Variants in MAST2 observed in about 807,000 individuals in gnomAD.
The protein encoded by MAST2 is microtubule-associated serine/threonine-protein kinase 2.
MAST2 carries 70 observed loss-of-function variants against 147.4 expected under a neutral mutation model. The observed-to-expected ratio is 0.47, with a 90% CI of 0.39 to 0.58. MAST2 has a LOEUF of 0.58. Ranked by LOEUF, MAST2 falls within the 20% of genes least tolerant of loss-of-function variation. The pLI is 0.00. For missense variants in MAST2, 2,080 were observed against 2,302.3 expected, an observed-to-expected ratio of 0.90 and a Z score of 1.98; for synonymous variants, 869 against 896.8, an observed-to-expected ratio of 0.97 and a Z score of 0.55.
intron 5 of MAST2, among the ~76,000 whole-genome samples, chr1:45,989,382 C>A (rs1013245849): frequency 1.3e-5 from 2 of 152,142 alleles, no homozygotes; most frequent in South Asian, 4.1e-4. Context: ...TCAGTACTTA[C>A]CTGTAGTTCC....
At position 46,019,611 on chromosome 1, in the gene MAST2, G is replaced by C. The variant is rs369921244; in HGVS notation, c.1204G>C (p.Glu402Gln). 2 of 1,614,068 alleles carry C rather than the reference G, an allele frequency of 1.2e-6. No individual in the cohort carries two copies. Among genetic ancestry groups the C allele is most frequent in the African/African-American group, 1.3e-5 (1 of 75,052 alleles). ...KLLQDAHERS[E>Q]SSEVAFVMQL... Reference sequence around the variant, plus strand: ...TTCTCTATAGGCTCATGAGCGCTCAGAGAGCTCAGAAGTGGCTTTTGTGAT... The same window carrying C: ...TTCTCTATAGGCTCATGAGCGCTCACAGAGCTCAGAAGTGGCTTTTGTGAT... The change falls in exon 11 of 29, where the codon GAG (glutamate) becomes CAG (glutamine). Residue 402 changes from glutamate (E) to glutamine (Q), a missense_variant. Glu to Gln is a conservative substitution (Grantham distance 29). Around this residue, in one of 4 missense-constraint regions of MAST2, gnomAD observed 569 missense variants for 642.5 expected, o/e 0.89. Coordinates refer to ENST00000361297, the MANE Select transcript of MAST2 (RefSeq NM_015112.3).
chr1:45,967,623 G>A (rs757655046), intron 5 of MAST2, among the ~76,000 whole-genome samples: 4 of 152,148 alleles, frequency 2.6e-5, no homozygotes, highest in Non-Finnish European at 4.4e-5. Context: ...ACATTGAGTA[G>A]GCTGAGGAAG....
At position 46,022,366 on chromosome 1, in the gene MAST2, T is replaced by C. The variant is rs1646225231; in HGVS notation, c.1423+284T>C. On this transcript the variant is annotated intron_variant, in intron 12 of 28. Coordinates refer to ENST00000361297, the MANE Select transcript of MAST2 (RefSeq NM_015112.3). ...AGAGGTCAACAACAAAGGGCCACAA[T>C]CACATTTGCAAAAATGGTCACCTCC... Among the ~76,000 whole-genome samples the C allele has an allele frequency of 2.0e-5, 3 of 152,184 alleles. No individual in the cohort carries two copies. In the South Asian group the frequency reaches 6.2e-4, roughly 31 times the overall value.
intron 5 of MAST2, among the ~76,000 whole-genome samples, chr1:45,991,937 C>G (rs897013455): frequency 6.6e-6 from 1 of 151,906 alleles, no homozygotes; most frequent in Non-Finnish European, 1.5e-5. Flanking sequence ...CTATGTTGCC[C>G]AGGCTGGTCT....
intron 3 of MAST2, among the ~76,000 whole-genome samples, chr1:45,870,925 TC>T (rs1020071085): frequency 6.6e-6 from 1 of 151,958 alleles, no homozygotes; most frequent in African/African-American, 2.4e-5. Context: ...AGACCGTGTC[TC>T]AAAAAAAATT....
intron 5 of MAST2, among the ~76,000 whole-genome samples, chr1:45,993,692 ATTT>A (rs989945682): frequency 6.6e-6 from 1 of 151,444 alleles, no homozygotes; most frequent in African/African-American, 2.4e-5. Flanking sequence ...TCAAAAAAAA[ATTT>A]TTTTTTGCTG....
At chr1:45,905,563 T>C (rs2148522228) in intron 4 of MAST2, among the ~76,000 whole-genome samples, 1 of 152,228 alleles carries the variant, frequency 6.6e-6, no homozygotes, top group Admixed American at 6.5e-5. Flanking sequence ...GATCACGAGC[T>C]CAGGAGTTTG....
chr1:45,977,487 TCAAACAAACAAA>T (rs557332564), intron 5 of MAST2, among the ~76,000 whole-genome samples: 8 of 146,380 alleles, frequency 5.5e-5, no homozygotes, highest in African/African-American at 1.8e-4. Flanking sequence ...AAACTCTATC[TCAAACAAACAAA>T]CAAACAAACA....
At chr1:45,820,576 AG>A (rs1553203849) in intron 1 of MAST2, among the ~76,000 whole-genome samples, 3 of 152,154 alleles carry the variant, frequency 2.0e-5, no homozygotes, top group Non-Finnish European at 4.4e-5. Flanking sequence ...TAAATATCAT[AG>A]ATTTATAATT....
chr1:45,957,738 T>G (rs1316862667), intron 4 of MAST2, among the ~76,000 whole-genome samples: 1 of 152,158 alleles, frequency 6.6e-6, no homozygotes, highest in East Asian at 1.9e-4. Context: ...AACACATTAC[T>G]CTGGTAAATG....
chr1:46,010,692 C>G, intron 9 of MAST2, 38 bp from the exon 10 acceptor site: 3 of 1,587,880 alleles, frequency 1.9e-6, no homozygotes, highest in East Asian at 2.2e-5. Context: ...TGAGCTGGAA[C>G]TAGAAGGGAA....
At chr1:45,815,210 C>A (rs903855240) in intron 1 of MAST2, among the ~76,000 whole-genome samples, 4 of 148,862 alleles carry the variant, frequency 2.7e-5, no homozygotes, top group Admixed American at 6.7e-5. Flanking sequence ...GAAACTGTCT[C>A]CCAGTCTGGA....
At chr1:45,922,759 G>A (rs1480248722) in intron 4 of MAST2, among the ~76,000 whole-genome samples, 1 of 152,132 alleles carries the variant, frequency 6.6e-6, no homozygotes, top group Non-Finnish European at 1.5e-5. Flanking sequence ...CAACTCGGAA[G>A]GGGTGGGGCT....
rs1264490364 is a variant in MAST2 at position 46,023,741 on chromosome 1, C to T, written c.1572-31C>T. 1.2e-6 allele frequency: 2 copies of T among 1,604,526 alleles called. No individual in the cohort carries two copies. The highest frequency in any genetic ancestry group is 1.7e-6 in the Non-Finnish European group (2 of 1,173,598). On this transcript the variant is annotated intron_variant, in intron 14 of 28. Coordinates refer to ENST00000361297, the MANE Select transcript of MAST2 (RefSeq NM_015112.3). This position sits in a 1 kb window ranked among gnomAD's most constrained non-coding sequence, Gnocchi z 4.9. ...GAGCACAGCTCAGGTGCTGAGGGTCCATGGGGGATGGGCCGGACTTTGTTT... is the reference window on the plus strand; with the variant it reads ...GAGCACAGCTCAGGTGCTGAGGGTCTATGGGGGATGGGCCGGACTTTGTTT...
chr1:45,948,424 C>T (rs538959841), intron 4 of MAST2, among the ~76,000 whole-genome samples: 4 of 151,826 alleles, frequency 2.6e-5, no homozygotes, highest in South Asian at 2.1e-4. Flanking sequence ...TATATGGAAC[C>T]GGGCCGGGTG....
chr1:46,032,838 G>A, intron 26 of MAST2, 120 bp downstream of exon 26: 1 of 1,359,620 alleles, frequency 7.4e-7, no homozygotes. Context: ...TATGGATGTA[G>A]GTACACACAG....
intron 9 of MAST2, among the ~76,000 whole-genome samples, chr1:46,009,913 G>A (rs1557470507): frequency 6.6e-6 from 1 of 152,176 alleles, no homozygotes; most frequent in African/African-American, 2.4e-5. Context: ...AGACAGCTTA[G>A]ATAGGCAGCT....
At chr1:46,001,544 CA>C (rs780216324) in intron 6 of MAST2, among the ~76,000 whole-genome samples, 8 of 152,150 alleles carry the variant, frequency 5.3e-5, no homozygotes, top group African/African-American at 9.7e-5. Context: ...GCAAAGAGGT[CA>C]AAGAGAACAT....
At chr1:45,908,455 G>A (rs1399004555) in intron 4 of MAST2, among the ~76,000 whole-genome samples, 2 of 152,034 alleles carry the variant, frequency 1.3e-5, no homozygotes, top group Non-Finnish European at 2.9e-5. Context: ...TCCTTTAACT[G>A]TATTCCATAA....
Sources: allele counts gnomAD v4.1 joint callset (sites outside exome capture counted in the v4.1 genomes callset), GRCh38; gene constraint gnomAD v4.1.1; regional missense constraint gnomAD v4.1.1; non-coding constraint Gnocchi (gnomAD v3.1); transcripts MANE v1.5; gene names NCBI Gene and HGNC (gene_info 2026-07-23, HGNC 2026-07-21).